Variants in SLC8A1 observed in about 807,000 individuals in gnomAD.
SLC8A1 encodes the protein sodium/calcium exchanger 1.
In SLC8A1, 18 loss-of-function variants were observed where a neutral mutation model predicts 68.3. That is an observed-to-expected ratio of 0.26 (90% CI 0.18 to 0.39). The LOEUF (loss-of-function observed/expected upper bound fraction) is 0.39. Among genes scored for constraint, SLC8A1 ranks in the 10% least tolerant of loss-of-function variants. The pLI is 1.00. For synonymous variants in SLC8A1, 475 were observed against 415.5 expected (o/e 1.14, Z -1.74); for missense variants, 985 against 1,156.7 (o/e 0.85, Z 2.15).
At chr2:40,109,550 T>G (rs991044363) in exon 8 of SLC8A1, 2 of 152,202 alleles carry the variant, frequency 1.3e-5, no homozygotes, top group African/African-American at 4.8e-5. Context: ...GGAATGTCAT[T>G]ATATTTGATT....
chr2:40,181,447 A>G (rs973856990), intron 2 of SLC8A1, among the ~76,000 whole-genome samples: 8 of 152,240 alleles, frequency 5.3e-5, no homozygotes, highest in Non-Finnish European at 8.8e-5. Flanking sequence ...AGATGAAGAA[A>G]AAGAAAAAAG....
Position 40,168,787 on chromosome 2 carries a change from A to G in SLC8A1, c.1931-3803T>C, listed in dbSNP as rs370717648. 3.5e-4 allele frequency among the ~76,000 whole-genome samples: 54 copies of G among 152,292 alleles called. No homozygotes were observed. In the East Asian group the frequency reaches 4.3e-3, roughly 12 times the overall value. On this transcript the variant is annotated intron_variant, in intron 4 of 7. Transcript: ENST00000406785. ...TATGCTGTGGTTTTAGTTTTCTCAG[A>G]TGGAAAATATACTCTTTCTCCTCCT...
intron 2 of SLC8A1, chr2:40,195,683 T>C (rs933847065): frequency 1.2e-4 from 18 of 152,060 alleles, no homozygotes; most frequent in African/African-American, 4.3e-4. Flanking sequence ...TAAATTCTTA[T>C]CTTGATATAT....
chr2:40,392,349 C>T (rs757949058), intron 2 of SLC8A1, among the ~76,000 whole-genome samples: 3 of 152,044 alleles, frequency 2.0e-5, no homozygotes, highest in South Asian at 2.1e-4. Context: ...TACCCGTTCC[C>T]ACTAGGCATT....
chr2:40,504,929 A>G (rs1401271671), intron 1 of SLC8A1, among the ~76,000 whole-genome samples: 1 of 151,950 alleles, frequency 6.6e-6, no homozygotes, highest in African/African-American at 2.4e-5. Flanking sequence ...ATTGAGCTAC[A>G]TTTAATCCAG....
chr2:40,462,815 TATAAA>T (rs1030758464), intron 1 of SLC8A1, among the ~76,000 whole-genome samples: 4 of 152,056 alleles, frequency 2.6e-5, no homozygotes, highest in Non-Finnish European at 4.4e-5. Flanking sequence ...TAAAATAAAA[TATAAA>T]ATAAAATAAA....
intron 6 of SLC8A1, among the ~76,000 whole-genome samples, chr2:40,152,779 A>C (rs1264449073): frequency 1.3e-5 from 2 of 151,780 alleles, no homozygotes; most frequent in African/African-American, 4.8e-5. Context: ...TGGGTGGGAC[A>C]CTCAGCAAGA....
At chr2:40,408,273 T>A (rs972713776) in intron 2 of SLC8A1, among the ~76,000 whole-genome samples, 2 of 152,186 alleles carry the variant, frequency 1.3e-5, no homozygotes, top group Non-Finnish European at 2.9e-5. Flanking sequence ...TCAAAAGTCT[T>A]TATGTTGTTC....
intron 2 of SLC8A1, among the ~76,000 whole-genome samples, chr2:40,392,760 G>C (rs1216899591): frequency 6.6e-6 from 1 of 152,068 alleles, no homozygotes; most frequent in Non-Finnish European, 1.5e-5. Flanking sequence ...AAACGGAGAA[G>C]AGGACAATAA....
upstream of SLC8A1, among the ~76,000 whole-genome samples, chr2:40,454,393 A>G (rs912561413): frequency 6.6e-6 from 1 of 151,694 alleles, no homozygotes; most frequent in African/African-American, 2.4e-5. Context: ...TTTTCTTGAA[A>G]TTTTAGGCAT....
chr2:40,109,274 A>G (rs958098440), exon 8 of SLC8A1: 3 of 152,126 alleles, frequency 2.0e-5, no homozygotes, highest in Non-Finnish European at 4.4e-5. Context: ...CATGGAAGCT[A>G]TCTGTTACGT....
chr2:40,155,799 G>A (rs1213071817), intron 6 of SLC8A1, among the ~76,000 whole-genome samples: 1 of 152,102 alleles, frequency 6.6e-6, no homozygotes, highest in Non-Finnish European at 1.5e-5. Context: ...GTGGGCTAAG[G>A]TGACATGCCC....
At chr2:40,180,031 C>T (rs747224414) in intron 2 of SLC8A1, among the ~76,000 whole-genome samples, 2 of 152,090 alleles carry the variant, frequency 1.3e-5, no homozygotes, top group Non-Finnish European at 2.9e-5. Context: ...GCTCATGAAA[C>T]TCCTTTCTAT....
At chr2:40,208,150 G>A (rs529895909) in intron 2 of SLC8A1, among the ~76,000 whole-genome samples, 2 of 152,266 alleles carry the variant, frequency 1.3e-5, no homozygotes, top group South Asian at 4.1e-4. Flanking sequence ...AAGGGTGTTA[G>A]TAGTGTCCAG....
chr2:40,309,502 C>CTTTTTTT (rs34863585), intron 2 of SLC8A1, among the ~76,000 whole-genome samples: 7 of 123,292 alleles, frequency 5.7e-5, no homozygotes, highest in Non-Finnish European at 6.7e-5. Flanking sequence ...GAATATTTTA[C>CTTTTTTT]TTTTTTTTTT....
At chr2:40,357,623 C>T (rs748390799) in intron 2 of SLC8A1, among the ~76,000 whole-genome samples, 15 of 151,888 alleles carry the variant, frequency 9.9e-5, no homozygotes, top group Non-Finnish European at 2.2e-4. Flanking sequence ...ACCACTATGG[C>T]GTGTGTAACA....
At chr2:40,097,874 A>G (rs900702451) in exon 8 of SLC8A1, 4 of 151,968 alleles carry the variant, frequency 2.6e-5, no homozygotes, top group Non-Finnish European at 5.9e-5. Context: ...TCAGGAATTT[A>G]TTCTTCTGTG....
intron 2 of SLC8A1, among the ~76,000 whole-genome samples, chr2:40,350,672 C>T (rs1198572409): frequency 1.6e-5 from 2 of 127,834 alleles, no homozygotes; most frequent in Admixed American, 8.9e-5. Flanking sequence ...TTTGTCTTAA[C>T]ATTAGCCTTA....
intron 2 of SLC8A1, among the ~76,000 whole-genome samples, chr2:40,314,058 A>G (rs772831313): frequency 2.5e-4 from 38 of 152,226 alleles, no homozygotes; most frequent in Admixed American, 1.0e-3. Context: ...TGTTTTGGAT[A>G]AAGAATCTAG....
Sources: allele counts gnomAD v4.1 joint callset (sites outside exome capture counted in the v4.1 genomes callset), GRCh38; gene constraint gnomAD v4.1.1; transcripts MANE v1.5; gene names NCBI Gene and HGNC (gene_info 2026-07-23, HGNC 2026-07-21).